The following MKNK2 variants were observed in gnomAD, a reference collection of about 807,000 sequenced individuals.
MKNK2 encodes MAPK interacting serine/threonine kinase 2, also known as MAP kinase-interacting serine/threonine-protein kinase 2.
Under a neutral mutation model 55.0 loss-of-function variants are expected in MKNK2, and 54 were observed. That is an observed-to-expected ratio of 0.98 (90% CI 0.79 to 1.23). The LOEUF (loss-of-function observed/expected upper bound fraction) is 1.23, where lower values mean the gene tolerates loss of function less well. Among genes scored for constraint, MKNK2 ranks in the 50% most tolerant of loss-of-function variants. The probability of loss-of-function intolerance (pLI) is 0.00; values close to 1 mark genes in which losing one functional copy is unlikely to be tolerated. For missense variants in MKNK2, 685 were observed against 632.1 expected (o/e 1.08, Z -0.90); for synonymous variants, 323 against 256.0 (o/e 1.26, Z -2.50).
intron 12 of MKNK2, chr19:2,040,672 CCA>C: frequency 3.2e-6 from 1 of 315,038 alleles, no homozygotes; most frequent in Non-Finnish European, 6.0e-6. Flanking sequence ...CGACTGGAGG[CCA>C]CACAGGGAAG....
intron 5 of MKNK2, 68 bp downstream of exon 5, chr19:2,046,118 A>G (rs2016989892): frequency 1.4e-6 from 2 of 1,472,602 alleles, no homozygotes; most frequent in Non-Finnish European, 1.9e-6. Flanking sequence ...AATGCCACAC[A>G]CTGTTTCCAC....
intron 5 of MKNK2, among the ~76,000 whole-genome samples, chr19:2,045,957 C>T (rs771069617): frequency 6.6e-6 from 1 of 152,244 alleles, no homozygotes; most frequent in Non-Finnish European, 1.5e-5. Context: ...GAGGCAGGGA[C>T]GGCCCAGGGG....
chr19:2,038,251 T>A lies in MKNK2; in HGVS notation c.*1362A>T, dbSNP rs1035343320. On this transcript the variant is annotated 3_prime_UTR_variant, in exon 14 of 14. Coordinates refer to ENST00000250896, the MANE Select transcript of MKNK2 (RefSeq NM_199054.3). ...AGCAAAGTCCATCGATGTGTTGTTT[T>A]TTTTTAAGGAAAAACTAAAAAACTA... 6 of 987,842 alleles carry A rather than the reference T, an allele frequency of 6.1e-6. No homozygotes were observed. Among genetic ancestry groups the A allele is most frequent in the Non-Finnish European group, 7.2e-6 (6 of 831,580 alleles). 61.2% of individuals were successfully genotyped at this position (987,842 alleles called of 1,614,324 possible). A position where few individuals can be genotyped will look rare whatever the true frequency, so the allele number is the denominator to read the frequency against.
At chr19:2,047,910 C>T (rs1382212555) in intron 2 of MKNK2, among the ~76,000 whole-genome samples, 1 of 152,138 alleles carries the variant, frequency 6.6e-6, no homozygotes, top group Non-Finnish European at 1.5e-5. Context: ...GCCCGGCACA[C>T]CTTTCCCCTG....
At chr19:2,043,864 C>T (rs2016945047) in intron 5 of MKNK2, among the ~76,000 whole-genome samples, 1 of 149,898 alleles carries the variant, frequency 6.7e-6, no homozygotes. Flanking sequence ...ATCCCAACTA[C>T]TTGTGAGGCT....
Position 2,046,597 on chromosome 19 carries a change from C to G in MKNK2, c.139+7G>C, listed in dbSNP as rs560675702. The G allele has an allele frequency of 9.6e-6, 15 of 1,563,702 alleles. No homozygotes were observed. The highest frequency in any genetic ancestry group is 1.7e-4 in the Middle Eastern group (1 of 5,952). On this transcript the variant is annotated splice_region_variant and intron_variant, in intron 3 of 13. Coordinates refer to ENST00000250896, the MANE Select transcript of MKNK2 (RefSeq NM_199054.3). Reference sequence around the variant, plus strand: ...CCCTGTGCCCTCCTCCCCCTCGGGCCCCTCACCAGGGCGGGCTGAGCACTG... The same window carrying G: ...CCCTGTGCCCTCCTCCCCCTCGGGCGCCTCACCAGGGCGGGCTGAGCACTG...
At chr19:2,049,920 C>A (rs538491942) in intron 2 of MKNK2, among the ~76,000 whole-genome samples, 1 of 152,314 alleles carries the variant, frequency 6.6e-6, no homozygotes, top group African/African-American at 2.4e-5. Flanking sequence ...CACACACACA[C>A]ACAAACACAC....
Position 2,041,178 on chromosome 19 carries a change from C to T in MKNK2, c.972G>A (p.Glu324=). ...CQNMLFESIQ[E]GKYEFPDKDW... is the part of the protein sequence containing the mutation. ...CCTTGTCGGGGAACTCGTACTTGCC[C>T]TCCTGGATGCTCTCAAACAGCATGT... The change falls in exon 12 of 14, where the codon GAG becomes GAA. Residue 324 remains glutamate, a synonymous_variant. Transcript: ENST00000250896. 1.2e-6 allele frequency: 2 copies of T among 1,613,760 alleles called. No homozygotes were observed. Among genetic ancestry groups the T allele is most frequent in the South Asian group, 2.2e-5 (2 of 91,072 alleles).
chr19:2,040,516 A>C, intron 12 of MKNK2: 1 of 358,692 alleles, frequency 2.8e-6, no homozygotes, highest in Non-Finnish European at 5.1e-6. Flanking sequence ...GGGTCTCTGG[A>C]TGCTTCTGCA....
At position 2,039,509 on chromosome 19, in the gene MKNK2, G is replaced by A; in HGVS notation, c.*104C>T. 1 of 1,459,654 alleles carries A rather than the reference G, an allele frequency of 6.9e-7. No homozygotes were observed. The highest frequency in any genetic ancestry group is 9.1e-7 in the Non-Finnish European group (1 of 1,103,990). The allele number at this position is 1,459,654 out of a possible 1,614,324, so 90.4% of individuals were successfully genotyped here. A position where few individuals can be genotyped will look rare whatever the true frequency, so the allele number is the denominator to read the frequency against. The stretch of plus-strand genomic sequence containing the variant: ...CTGAGCTTAGTGCCTGGGAATCCAG[G>A]CAGAGGAGGGGCAGCCCGCTGGACA... On this transcript the variant is annotated 3_prime_UTR_variant, in exon 14 of 14. Transcript: ENST00000250896.
In MKNK2 at chr19:2,041,321, C is replaced by A. The variant is rs117268071; in HGVS notation, c.946-117G>T. ...CCTAGACCAGGCCCTAGACCACGCA[C>A]GCCTGGGGCAGAGGGGGCTGGGAGC... On this transcript the variant is annotated intron_variant, in intron 11 of 13. Transcript: ENST00000250896. 778 of 1,043,650 alleles carry A rather than the reference C, an allele frequency of 7.5e-4. 8 individuals are homozygous for A. The East Asian group carries it at 0.018, about 24-fold the overall frequency. The allele number at this position is 1,043,650 out of a possible 1,614,324, so 64.6% of individuals were successfully genotyped here.
At chr19:2,040,836 C>T (rs550674745) in intron 12 of MKNK2, 24 of 595,558 alleles carry the variant, frequency 4.0e-5, no homozygotes, top group Non-Finnish European at 5.9e-5. Context: ...TCCTGGGAGC[C>T]GCCTGGCTGG....
In MKNK2 at chr19:2,042,539, G is replaced by C. The variant is rs2016912147; in HGVS notation, c.655-17C>G. 2 of 1,587,004 alleles carry C rather than the reference G, an allele frequency of 1.3e-6. No individual in the cohort carries two copies. The highest frequency in any genetic ancestry group is 1.7e-6 in the Non-Finnish European group (2 of 1,167,834). On this transcript the variant is annotated splice_polypyrimidine_tract_variant and intron_variant, in intron 9 of 13. Transcript: ENST00000250896. The stretch of plus-strand genomic sequence containing the variant: ...GGGGGAGACCTGGGAGGGGCCAAAA[G>C]GTCCGTGAGCCTGGGGTCCCACGCG...
intron 6 of MKNK2, 75 bp downstream of exon 6, chr19:2,043,428 G>A: frequency 1.4e-6 from 2 of 1,379,436 alleles, no homozygotes; most frequent in Non-Finnish European, 2.1e-6. Flanking sequence ...CTTGCTGGGG[G>A]TGATGTGGCA....
Position 2,039,493 on chromosome 19 carries a change from G to C in MKNK2, c.*120C>G, listed in dbSNP as rs950110604. On this transcript the variant is annotated 3_prime_UTR_variant, in exon 14 of 14. Transcript: ENST00000250896. Reference sequence around the variant, plus strand: ...AAAACACCCCCCTCAGCTGAGCTTAGTGCCTGGGAATCCAGGCAGAGGAGG... The same window carrying C: ...AAAACACCCCCCTCAGCTGAGCTTACTGCCTGGGAATCCAGGCAGAGGAGG... The C allele has an allele frequency of 3.5e-6, 5 of 1,442,932 alleles. No homozygotes were observed. Among genetic ancestry groups the C allele is most frequent in the Non-Finnish European group, 4.6e-6 (5 of 1,097,460 alleles). The allele number at this position is 1,442,932 out of a possible 1,614,324, so 89.4% of individuals were successfully genotyped here.
intron 2 of MKNK2, 140 bp downstream of exon 2, chr19:2,050,661 C>G (rs1599388111): frequency 1.4e-6 from 1 of 723,456 alleles, no homozygotes; most frequent in Non-Finnish European, 2.1e-6. Context: ...AGCGCACGGC[C>G]GGCCCGGGCA....
Position 2,041,945 on chromosome 19 carries a change from G to A in MKNK2, c.840C>T (p.Ser280=), listed in dbSNP as rs1221220107. The change falls in exon 11 of 14, where the codon AGC becomes AGT. Residue 280 remains serine, a synonymous_variant. Transcript: ENST00000250896. ...SIYDKRCDLW[S]LGVILYILLS... The stretch of plus-strand genomic sequence containing the variant: ...GTAGGATATACAAGATGACGCCCAG[G>A]CTCCACAGGTCGCAGCGCTTGTCGT... The A allele has an allele frequency of 2.0e-5, 31 of 1,557,208 alleles. No individual in the cohort carries two copies. The Admixed American group carries it at 3.3e-4, about 17-fold the overall frequency.
At chr19:2,040,261 C>T (rs2145683407) in intron 12 of MKNK2, 84 bp from the exon 13 acceptor site, 1 of 1,184,180 alleles carries the variant, frequency 8.4e-7, no homozygotes, top group East Asian at 2.6e-5. Flanking sequence ...CCAAGGGATG[C>T]CATGCCCATC....
chr19:2,046,495 C>A (rs760342164), intron 3 of MKNK2, 27 bp from the exon 4 acceptor site: 1 of 1,599,448 alleles, frequency 6.3e-7, no homozygotes, highest in Non-Finnish European at 8.5e-7. Context: ...GCCCAGGGGG[C>A]TCAGGACATG....
Sources: allele counts gnomAD v4.1 joint callset (sites outside exome capture counted in the v4.1 genomes callset), GRCh38; gene constraint gnomAD v4.1.1; transcripts MANE v1.5; gene names NCBI Gene and HGNC (gene_info 2026-07-23, HGNC 2026-07-21).